The following UGT1A4 variants were observed in gnomAD, a reference collection of about 807,000 sequenced individuals.
UGT1A4 encodes UDP glucuronosyltransferase family 1 member A4.
In UGT1A4, 32 loss-of-function variants were observed where a neutral mutation model predicts 41.1. The observed-to-expected ratio is 0.78, with a 90% CI of 0.59 to 1.05. UGT1A4 has a LOEUF of 1.05. UGT1A4 is among the 50% of genes least tolerant of loss of function. UGT1A4 has a pLI of 0.00. For missense variants in UGT1A4, 748 were observed against 677.4 expected, an observed-to-expected ratio of 1.10 and a Z score of -1.16; for synonymous variants, 283 against 265.1, an observed-to-expected ratio of 1.07 and a Z score of -0.66.
At chr2:233,762,603 G>T (rs890320273) in intron 1 of UGT1A4, among the ~76,000 whole-genome samples, 2 of 152,136 alleles carry the variant, frequency 1.3e-5, no homozygotes, top group Admixed American at 1.3e-4. Context: ...TGTATTCCAG[G>T]AGTTTTGTTG....
chr2:233,754,088 A>G (rs1438865323), intron 1 of UGT1A4, among the ~76,000 whole-genome samples: 2 of 152,224 alleles, frequency 1.3e-5, no homozygotes, highest in Non-Finnish European at 2.9e-5. Context: ...TTTTATCTAA[A>G]TAATGGTCAA....
chr2:233,769,869 A>T lies in UGT1A4; in HGVS notation c.1307+1430A>T, dbSNP rs988879005. Reference sequence around the variant, plus strand: ...TGAGACCCTGTCTCAAAAAAAAAAAAAAAAATGAAAAGTCCACATAACCTG... The same window carrying T: ...TGAGACCCTGTCTCAAAAAAAAAAATAAAAATGAAAAGTCCACATAACCTG... On this transcript the variant is annotated intron_variant, in intron 4 of 4. Transcript: ENST00000373409. This position sits in a 1 kb window ranked among gnomAD's most constrained non-coding sequence, Gnocchi z 4.4. The T allele has an allele frequency of 3.7e-5, 17 of 465,504 alleles. No individual in the cohort carries two copies. Among genetic ancestry groups the T allele is most frequent in the Non-Finnish European group, 6.1e-5 (17 of 276,814 alleles). The allele number at this position is 465,504 out of a possible 1,614,324, so 28.8% of individuals were successfully genotyped here. A position where few individuals can be genotyped will look rare whatever the true frequency, so the allele number is the denominator to read the frequency against.
chr2:233,723,457 G>A (rs1279798549), intron 1 of UGT1A4, among the ~76,000 whole-genome samples: 3 of 136,216 alleles, frequency 2.2e-5, no homozygotes, highest in African/African-American at 5.8e-5. Context: ...TGATCCACCC[G>A]CCTCAGCCTC....
intron 1 of UGT1A4, among the ~76,000 whole-genome samples, chr2:233,757,535 A>AATAAATATACATATACATATATATAT (rs1553619837): frequency 3.1e-4 from 27 of 88,234 alleles, no homozygotes; most frequent in African/African-American, 1.4e-3. Context: ...GCCTGTAAGG[A>AATAAATATACATATACATATATATAT]ATATATATAT....
chr2:233,741,051 T>G (rs1437462730), intron 1 of UGT1A4, among the ~76,000 whole-genome samples: 1 of 151,772 alleles, frequency 6.6e-6, no homozygotes, highest in Non-Finnish European at 1.5e-5. Context: ...CTTGCCTAGG[T>G]AACAGCTACA....
chr2:233,762,916 A>T (rs1698195607), intron 1 of UGT1A4, among the ~76,000 whole-genome samples: 1 of 152,252 alleles, frequency 6.6e-6, no homozygotes, highest in African/African-American at 2.4e-5. Context: ...TATTGAATTT[A>T]TTAGAATCTC....
intron 1 of UGT1A4, among the ~76,000 whole-genome samples, chr2:233,765,845 C>T (rs1255338105): frequency 6.6e-6 from 1 of 152,028 alleles, no homozygotes; most frequent in East Asian, 1.9e-4. Context: ...TCCTTGTCCC[C>T]CTCACAGAGC....
At chr2:233,740,770 T>C (rs1691472296) in intron 1 of UGT1A4, 2 of 151,812 alleles carry the variant, frequency 1.3e-5, no homozygotes, top group Admixed American at 6.5e-5. Flanking sequence ...CAAACCGTTG[T>C]ATAAAAGATG....
At chr2:233,751,385 T>C (rs1694712496) in intron 1 of UGT1A4, among the ~76,000 whole-genome samples, 1 of 152,160 alleles carries the variant, frequency 6.6e-6, no homozygotes, top group African/African-American at 2.4e-5. Flanking sequence ...TTGCCTTGTC[T>C]CAGATAAGAC....
At chr2:233,759,038 G>T (rs1395341840) in intron 1 of UGT1A4, among the ~76,000 whole-genome samples, 2 of 152,168 alleles carry the variant, frequency 1.3e-5, no homozygotes, top group African/African-American at 2.4e-5. Context: ...TTGGTTTCCT[G>T]TTGTGAACAA....
intron 1 of UGT1A4, chr2:233,760,610 G>T (rs1389365341): frequency 1.2e-6 from 2 of 1,614,182 alleles, no homozygotes; most frequent in South Asian, 2.2e-5. Flanking sequence ...TTCCTGCAGC[G>T]TGTGATCAAA....
intron 1 of UGT1A4, among the ~76,000 whole-genome samples, chr2:233,763,842 A>G (rs1366123587): frequency 6.6e-6 from 1 of 152,224 alleles, no homozygotes; most frequent in Non-Finnish European, 1.5e-5. Context: ...AGGGTAAGAT[A>G]GCAGTGGTTC....
At chr2:233,754,489 A>G (rs1289708374) in intron 1 of UGT1A4, 4 of 357,158 alleles carry the variant, frequency 1.1e-5, no homozygotes, top group Non-Finnish European at 1.1e-5. Flanking sequence ...TTTCAATCCT[A>G]AAAAAAGTCC....
chr2:233,739,520 T>C (rs1227951212), intron 1 of UGT1A4, among the ~76,000 whole-genome samples: 1 of 152,250 alleles, frequency 6.6e-6, no homozygotes, highest in Non-Finnish European at 1.5e-5. Flanking sequence ...AGACATGAAG[T>C]CAAGGGAGAT....
chr2:233,771,369 G>A (rs987787590), intron 4 of UGT1A4: 2 of 151,684 alleles, frequency 1.3e-5, no homozygotes, highest in African/African-American at 4.8e-5. Flanking sequence ...CACCTAACCC[G>A]TTTTGGATTG....
intron 1 of UGT1A4, chr2:233,741,829 T>C (rs1473126770): frequency 6.6e-6 from 1 of 151,946 alleles, no homozygotes; most frequent in African/African-American, 2.4e-5. Context: ...GCCTATCCAG[T>C]TCAGTTGCCT....
intron 1 of UGT1A4, among the ~76,000 whole-genome samples, chr2:233,758,412 A>C (rs1428441093): frequency 6.6e-6 from 1 of 152,106 alleles, no homozygotes; most frequent in Non-Finnish European, 1.5e-5. Context: ...TACTGTCTAT[A>C]ATCTGCAAAT....
At chr2:233,768,773 A>T (rs1302611596) in intron 4 of UGT1A4, among the ~76,000 whole-genome samples, 2 of 151,734 alleles carry the variant, frequency 1.3e-5, no homozygotes, top group Non-Finnish European at 2.9e-5. Context: ...TAGTAGAGAA[A>T]GGGTTTCACC....
intron 1 of UGT1A4, chr2:233,755,178 T>C: frequency 8.1e-7 from 1 of 1,236,812 alleles, no homozygotes; most frequent in Non-Finnish European, 1.1e-6. Flanking sequence ...TTTGTCGGGG[T>C]GCCACTTGAG....
Sources: gnomAD v4.1 joint callset for allele counts (sites outside exome capture counted in the v4.1 genomes callset) on GRCh38, gnomAD v4.1.1 for gene constraint, Gnocchi (gnomAD v3.1) non-coding constraint, MANE v1.5 for transcripts, NCBI Gene and HGNC (gene_info 2026-07-23, HGNC 2026-07-21) for gene names.